IFT81: variants seen among roughly 807,000 people sequenced by gnomAD.
IFT81 encodes intraflagellar transport protein 81 homolog.
In IFT81, 72 loss-of-function variants were observed where a neutral mutation model predicts 102.6. The ratio of observed to expected loss-of-function variants is 0.70; its 90% CI spans 0.58 to 0.85. The LOEUF is 0.85. Ranked by LOEUF, IFT81 falls within the 40% of genes least tolerant of loss-of-function variation. IFT81 has a pLI of 0.00. For missense variants in IFT81, 723 were observed against 787.3 expected, an observed-to-expected ratio of 0.92 and a Z score of 0.98; for synonymous variants, 237 against 242.7, an observed-to-expected ratio of 0.98 and a Z score of 0.22.
chr12:110,146,742 G>A (rs1347589489), intron 9 of IFT81, among the ~76,000 whole-genome samples: 1 of 151,950 alleles, frequency 6.6e-6, no homozygotes, highest in Admixed American at 6.6e-5. Context: ...GCCAAGGTGG[G>A]AGGATCACTT....
intron 18 of IFT81, among the ~76,000 whole-genome samples, chr12:110,210,030 G>A (rs774612653): frequency 3.3e-5 from 5 of 152,186 alleles, no homozygotes; most frequent in Non-Finnish European, 7.3e-5. Flanking sequence ...AAGTGGTAGA[G>A]AGTAAGTTAT....
chr12:110,214,636 A>G (rs1403510110), intron 18 of IFT81, among the ~76,000 whole-genome samples: 1 of 152,232 alleles, frequency 6.6e-6, no homozygotes, highest in Non-Finnish European at 1.5e-5. Flanking sequence ...TTTAAAATAT[A>G]TACATACTAA....
intron 4 of IFT81, among the ~76,000 whole-genome samples, chr12:110,130,809 AAG>A (rs764548020): frequency 2.6e-5 from 4 of 151,910 alleles, no homozygotes; most frequent in Non-Finnish European, 5.9e-5. Flanking sequence ...TAAAATGAGA[AAG>A]AGATATACAC....
intron 14 of IFT81, among the ~76,000 whole-genome samples, chr12:110,202,547 G>C (rs1898345592): frequency 6.6e-6 from 1 of 151,448 alleles, no homozygotes; most frequent in African/African-American, 2.4e-5. Flanking sequence ...CCACCTCCCA[G>C]GTTCAAGTGA....
intron 10 of IFT81, among the ~76,000 whole-genome samples, chr12:110,157,609 A>G (rs1456984439): frequency 6.6e-6 from 1 of 152,084 alleles, no homozygotes; most frequent in Non-Finnish European, 1.5e-5. Context: ...CATATATTCT[A>G]TCTGTCCCTT....
chr12:110,182,855 A>G (rs1211133966), intron 12 of IFT81, among the ~76,000 whole-genome samples: 6 of 152,132 alleles, frequency 3.9e-5, no homozygotes, highest in African/African-American at 1.4e-4. Flanking sequence ...AAAGTGGATC[A>G]CTGGGGATCA....
At chr12:110,210,776 A>G (rs1464676466) in intron 18 of IFT81, among the ~76,000 whole-genome samples, 1 of 152,126 alleles carries the variant, frequency 6.6e-6, no homozygotes, top group Non-Finnish European at 1.5e-5. Context: ...TATCATGCCA[A>G]AAATAATTTA....
intron 14 of IFT81, among the ~76,000 whole-genome samples, chr12:110,195,619 T>C (rs774700448): frequency 7.9e-5 from 12 of 152,192 alleles, no homozygotes; most frequent in Non-Finnish European, 1.5e-4. Flanking sequence ...ATTTACATTC[T>C]CCTCTGTTAC....
chr12:110,177,996 G>A (rs1196430996), intron 11 of IFT81, among the ~76,000 whole-genome samples: 10 of 151,806 alleles, frequency 6.6e-5, no homozygotes, highest in African/African-American at 2.4e-5. Context: ...CCGGGAGGCC[G>A]AGGCAGGAAA....
intron 11 of IFT81, among the ~76,000 whole-genome samples, chr12:110,172,641 G>A (rs1377563234): frequency 6.6e-6 from 1 of 152,160 alleles, no homozygotes; most frequent in Admixed American, 6.5e-5. Context: ...CGCCAGCCTC[G>A]GCCTCCGGAG....
chr12:110,185,623 T>G (rs990908365), intron 12 of IFT81, among the ~76,000 whole-genome samples: 1 of 152,152 alleles, frequency 6.6e-6, no homozygotes, highest in African/African-American at 2.4e-5. Context: ...TATAATTTTC[T>G]TGAGAAGGGG....
At chr12:110,182,471 C>G (rs1244350505) in intron 12 of IFT81, among the ~76,000 whole-genome samples, 2 of 152,152 alleles carry the variant, frequency 1.3e-5, no homozygotes, top group African/African-American at 4.8e-5. Context: ...GACCCAGTTC[C>G]TCATCCTTGA....
intron 1 of IFT81, among the ~76,000 whole-genome samples, chr12:110,126,091 A>AC (rs1893823844): frequency 6.6e-6 from 1 of 152,158 alleles, no homozygotes; most frequent in African/African-American, 2.4e-5. Context: ...ATCCTGGCTA[A>AC]CACGGTGAAA....
intron 18 of IFT81, chr12:110,216,458 GT>G (rs1307850498): frequency 2.2e-6 from 1 of 452,436 alleles, no homozygotes; most frequent in African/African-American, 2.0e-5. Context: ...GCCTCCCAAA[GT>G]GCTGGAATTA....
At chr12:110,172,487 C>T (rs1055733297) in intron 11 of IFT81, among the ~76,000 whole-genome samples, 6 of 152,162 alleles carry the variant, frequency 3.9e-5, no homozygotes, top group Admixed American at 2.0e-4. Context: ...AACCTCCCTG[C>T]CTGATTCTCC....
At chr12:110,165,018 A>C (rs1896357668) in intron 11 of IFT81, among the ~76,000 whole-genome samples, 1 of 152,084 alleles carries the variant, frequency 6.6e-6, no homozygotes, top group African/African-American at 2.4e-5. Context: ...GAGGGAAAAA[A>C]CCTAGTGCCA....
rs1870421776 is a variant in IFT81 at position 110,218,429 on chromosome 12, CAT to C, written c.*205_*206del. On this transcript the variant is annotated 3_prime_UTR_variant, in exon 19 of 19. Transcript: ENST00000242591. ...TGAAAAAGAGGCTTTTATTCTTTTC[CAT>C]AGTTTAGACATCACTGGCGTCTTCT... is the stretch of plus-strand genomic sequence containing the variant. The C allele has an allele frequency of 2.5e-6, 1 of 406,956 alleles. No individual in the cohort carries two copies. Among genetic ancestry groups the C allele is most frequent in the Non-Finnish European group, 4.3e-6 (1 of 232,832 alleles). The allele number at this position is 406,956 out of a possible 1,614,324, so 25.2% of individuals were successfully genotyped here.
chr12:110,173,063 T>G, intron 11 of IFT81, among the ~76,000 whole-genome samples: 1 of 135,906 alleles, frequency 7.4e-6, no homozygotes, highest in Non-Finnish European at 1.6e-5. Flanking sequence ...CTGCCCCTAC[T>G]GGGAAGTGAG....
chr12:110,187,506 C>A (rs921430427), intron 12 of IFT81, among the ~76,000 whole-genome samples: 1 of 152,202 alleles, frequency 6.6e-6, no homozygotes, highest in Non-Finnish European at 1.5e-5. Flanking sequence ...TTCAAGTGAT[C>A]TGCCCTTCTC....
Sources: allele counts gnomAD v4.1 joint callset (sites outside exome capture counted in the v4.1 genomes callset), GRCh38; gene constraint gnomAD v4.1.1; transcripts MANE v1.5; gene names NCBI Gene and HGNC (gene_info 2026-07-23, HGNC 2026-07-21).